TNFSF15: variants seen among roughly 807,000 people sequenced by gnomAD.
The protein encoded by TNFSF15 is tumor necrosis factor ligand superfamily member 15.
Under a neutral mutation model 26.4 loss-of-function variants are expected in TNFSF15, and 15 were observed. The ratio of observed to expected loss-of-function variants is 0.57; its 90% CI spans 0.38 to 0.87. TNFSF15 has a LOEUF of 0.87. Ranked by LOEUF, TNFSF15 falls within the 40% of genes least tolerant of loss-of-function variation. The pLI, the probability that TNFSF15 is intolerant of heterozygous loss-of-function variation, is 0.00. For synonymous variants in TNFSF15, 116 were observed against 115.0 expected (o/e 1.01, Z -0.06); for missense variants, 290 against 306.1 (o/e 0.95, Z 0.39).
chr9:114,803,208 C>T (rs969152515), intron 1 of TNFSF15, among the ~76,000 whole-genome samples: 1 of 152,100 alleles, frequency 6.6e-6, no homozygotes, highest in Admixed American at 6.5e-5. Flanking sequence ...TAGCCTATTT[C>T]CTGAGGCCAA....
rs918842271 is a variant in TNFSF15 at position 114,790,834 on chromosome 9, A to T, written c.374T>A (p.Leu125Gln). 1 of 1,614,154 alleles carries T rather than the reference A, an allele frequency of 6.2e-7. No homozygotes were observed. The highest frequency in any genetic ancestry group is 8.5e-7 in the Non-Finnish European group (1 of 1,180,026). ...PALHWEHELG[L>Q]AFTKNRMNYT... is the part of the protein sequence containing the mutation. The stretch of plus-strand genomic sequence containing the variant: ...GTTCATTCGGTTCTTGGTGAAGGCC[A>T]GGCCTAGTTCATGTTCCCAGTGCAG... Residue 125 changes from leucine to glutamine, a missense_variant, in exon 4 of 4, where the codon CTG becomes CAG. This residue lies in a region of TNFSF15 where 179 missense variants were observed against 165.9 expected (regional missense o/e 1.08). Coordinates refer to ENST00000374045, the MANE Select transcript of TNFSF15 (RefSeq NM_005118.4).
rs1043903510 is a variant in TNFSF15 at position 114,790,786 on chromosome 9, A to T, written c.422T>A (p.Ile141Asn). 1.2e-6 allele frequency: 2 copies of T among 1,613,972 alleles called. No homozygotes were observed. The highest frequency in any genetic ancestry group is 1.7e-6 in the Non-Finnish European group (2 of 1,180,042). Residue 141 changes from isoleucine to asparagine, a missense_variant, in exon 4 of 4, where the codon ATC becomes AAC. By Grantham distance (149) the Ile-to-Asn change is moderately radical. This residue lies in a region of TNFSF15 where 9 missense variants were observed against 25.5 expected (regional missense o/e 0.35). Transcript: ENST00000374045. The part of the protein sequence containing the change: ...RMNYTNKFLL[I>N]PESGDYFIYS... ...AATGAAGTAGTCTCCCGACTCTGGG[A>T]TCAGCAGGAATTTGTTGGTATAGTT... is the stretch of plus-strand genomic sequence containing the variant.
rs1272312716 is a variant in TNFSF15, at chr9:114,790,375, G to C, written c.*77C>G. 7.0e-7 allele frequency: 1 copy of C among 1,426,784 alleles called. No individual in the cohort carries two copies. The highest frequency in any genetic ancestry group is 1.4e-5 in the African/African-American group (1 of 69,654). 88.4% of individuals were successfully genotyped at this position (1,426,784 alleles called of 1,614,324 possible). A position where few individuals can be genotyped will look rare whatever the true frequency, so the allele number is the denominator to read the frequency against. On this transcript the variant is annotated 3_prime_UTR_variant, in exon 4 of 4. Transcript: ENST00000374045. ...ACTCCCGGCCCCAAGAAAACCCCTG[G>C]TTATAATTACATTTGAACAAAGAAA...
intron 1 of TNFSF15, among the ~76,000 whole-genome samples, chr9:114,796,632 A>G (rs1829676223): frequency 6.6e-6 from 1 of 152,230 alleles, no homozygotes; most frequent in Admixed American, 6.5e-5. Context: ...GGTACTAGCC[A>G]GGTGATAAAA....
In TNFSF15 at chr9:114,790,178, T is replaced by C. The variant is rs984155632; in HGVS notation, c.*274A>G. ...CCGAGTAGATCATCCATTCATTTAG[T>C]GATCAGTGTCTTAATATTTAGAAAC... On this transcript the variant is annotated 3_prime_UTR_variant, in exon 4 of 4. Coordinates refer to ENST00000374045, the MANE Select transcript of TNFSF15 (RefSeq NM_005118.4). 5 of 310,332 alleles carry C rather than the reference T, an allele frequency of 1.6e-5. No individual in the cohort carries two copies. The highest frequency in any genetic ancestry group is 6.4e-5 in the African/African-American group (3 of 47,050). 19.2% of individuals were successfully genotyped at this position (310,332 alleles called of 1,614,324 possible).
chr9:114,795,542 A>G (rs1829662957), intron 1 of TNFSF15, among the ~76,000 whole-genome samples: 1 of 152,232 alleles, frequency 6.6e-6, no homozygotes, highest in African/African-American at 2.4e-5. Context: ...TGTATTAGGT[A>G]TCACAAGCAA....
intron 1 of TNFSF15, 141 bp from the exon 2 acceptor site, chr9:114,793,709 A>C: frequency 1.3e-6 from 1 of 744,280 alleles, no homozygotes; most frequent in Non-Finnish European, 2.3e-6. Flanking sequence ...GAGAATGAAA[A>C]TATTTTTGTT....
intron 1 of TNFSF15, among the ~76,000 whole-genome samples, chr9:114,796,506 G>A (rs965797752): frequency 1.3e-5 from 2 of 152,238 alleles, no homozygotes; most frequent in African/African-American, 2.4e-5. Flanking sequence ...CAAGGTATCT[G>A]AAGAAACAGA....
At chr9:114,794,692 T>C (rs779213291) in intron 1 of TNFSF15, among the ~76,000 whole-genome samples, 2 of 152,172 alleles carry the variant, frequency 1.3e-5, no homozygotes, top group African/African-American at 4.8e-5. Flanking sequence ...GAATACTATT[T>C]GGCATAAAAA....
At chr9:114,805,260 ATGT>A (rs1322239620) in intron 1 of TNFSF15, among the ~76,000 whole-genome samples, 2 of 152,232 alleles carry the variant, frequency 1.3e-5, no homozygotes, top group African/African-American at 2.4e-5. Flanking sequence ...CTATAGCATC[ATGT>A]TGTTGTGAAT....
intron 3 of TNFSF15, chr9:114,791,155 A>G (rs1371211994): frequency 8.6e-6 from 5 of 581,428 alleles, no homozygotes; most frequent in African/African-American, 5.6e-5. Context: ...GTCTGACCTG[A>G]AAATTTTTAA....
intron 1 of TNFSF15, among the ~76,000 whole-genome samples, chr9:114,797,976 A>G (rs1281515114): frequency 6.6e-6 from 1 of 152,218 alleles, no homozygotes; most frequent in Non-Finnish European, 1.5e-5. Context: ...ATTCTCAGGC[A>G]TCAGGAAGAC....
At chr9:114,802,221 T>A (rs1315072748) in intron 1 of TNFSF15, among the ~76,000 whole-genome samples, 1 of 152,142 alleles carries the variant, frequency 6.6e-6, no homozygotes, top group Non-Finnish European at 1.5e-5. Flanking sequence ...TGGAGAGGAT[T>A]TCTAGATTGG....
At position 114,792,419 on chromosome 9, in the gene TNFSF15, C is replaced by A. The variant is rs747809936; in HGVS notation, c.289G>T (p.Ala97Ser). 2 of 1,614,002 alleles carry A rather than the reference C, an allele frequency of 1.2e-6. No individual in the cohort carries two copies. Among genetic ancestry groups the A allele is most frequent in the East Asian group, 2.2e-5 (1 of 44,872 alleles). ...PLRADGDKPR[A>S]HLTVVRQTPT... ...CAGGGAGGCTTACCTGTCAGGTGTGCCCTTGGCTTATCTCCGTCTGCTCTA... is the reference window on the plus strand; with the variant it reads ...CAGGGAGGCTTACCTGTCAGGTGTGACCTTGGCTTATCTCCGTCTGCTCTA... The change falls in exon 3 of 4, where the codon GCA (alanine) becomes TCA (serine). Residue 97 changes from alanine to serine, a missense_variant. Ala to Ser is a moderately conservative substitution (Grantham distance 99). Transcript: ENST00000374045.
chr9:114,802,860 G>A (rs1300574716), intron 1 of TNFSF15, among the ~76,000 whole-genome samples: 2 of 152,174 alleles, frequency 1.3e-5, no homozygotes, highest in Non-Finnish European at 2.9e-5. Context: ...TGAATGCACA[G>A]GGAAGGAGGC....
intron 2 of TNFSF15, 62 bp from the exon 3 acceptor site, chr9:114,792,516 C>T (rs1427736902): frequency 6.2e-7 from 1 of 1,611,356 alleles, no homozygotes; most frequent in South Asian, 1.1e-5. Flanking sequence ...GAAGACGGCC[C>T]TTTGTGAGTT....
chr9:114,800,721 T>C lies in TNFSF15; in HGVS notation c.210+5082A>G, dbSNP rs556586744. ...GCACATGTTTACCTACCAGGTACCATGCTAGATGCTTTATAGGTGTGATCT... is the reference window on the plus strand; with the variant it reads ...GCACATGTTTACCTACCAGGTACCACGCTAGATGCTTTATAGGTGTGATCT... On this transcript the variant is annotated intron_variant, in intron 1 of 3. Coordinates refer to ENST00000374045, the MANE Select transcript of TNFSF15 (RefSeq NM_005118.4). Among the ~76,000 whole-genome samples, 56 of 152,354 alleles carry C rather than the reference T, an allele frequency of 3.7e-4. 1 individual carries two copies. In the South Asian group the frequency reaches 0.011, roughly 29 times the overall value.
intron 3 of TNFSF15, 196 bp from the exon 4 acceptor site, chr9:114,791,102 T>G (rs1587897856): frequency 1.3e-5 from 8 of 637,890 alleles, no homozygotes; most frequent in Non-Finnish European, 1.9e-5. Flanking sequence ...CATCTTGGAC[T>G]AGTGACCTGG....
intron 3 of TNFSF15, 109 bp downstream of exon 3, chr9:114,792,298 G>A (rs1346988326): frequency 1.5e-6 from 2 of 1,337,582 alleles, no homozygotes; most frequent in Non-Finnish European, 2.0e-6. Flanking sequence ...CTCTTACCAA[G>A]GAATGTAGTT....
Sources: allele counts gnomAD v4.1 joint callset (sites outside exome capture counted in the v4.1 genomes callset), GRCh38; gene constraint gnomAD v4.1.1; regional missense constraint gnomAD v4.1.1; transcripts MANE v1.5; gene names NCBI Gene and HGNC (gene_info 2026-07-23, HGNC 2026-07-21).